Variants in DNAH14 observed in about 807,000 individuals in gnomAD.
DNAH14 encodes dynein axonemal heavy chain 14, also known as axonemal beta dynein heavy chain 14.
In DNAH14, 478 loss-of-function variants were observed where a neutral mutation model predicts 520.9. The ratio of observed to expected loss-of-function variants is 0.92; its 90% confidence interval spans 0.85 to 0.99. The LOEUF (loss-of-function observed/expected upper bound fraction) is 0.99, where lower values mean the gene tolerates loss of function less well. DNAH14 is among the 50% of genes least tolerant of loss of function. DNAH14 has a pLI of 0.00. For missense variants in DNAH14, 4,831 were observed against 5,234.5 expected (o/e 0.92, Z 2.38); for synonymous variants, 1,581 against 1,757.2 (o/e 0.90, Z 2.51).
chr1:225,398,046 C>CAAAAAAAAAAAAA (rs11458055), intron 84 of DNAH14: 1 of 66,806 alleles, frequency 1.5e-5, no homozygotes, highest in African/African-American at 6.7e-5. Flanking sequence ...GACCCCATGT[C>CAAAAAAAAAAAAA]AAAAAAAAAA....
Position 225,002,790 on chromosome 1 carries a change from T to A in DNAH14, c.838T>A (p.Leu280Met), listed in dbSNP as rs1276811528. 16 of 1,548,806 alleles carry A rather than the reference T, an allele frequency of 1.0e-5. No individual in the cohort carries two copies. Among genetic ancestry groups the A allele is most frequent in the Non-Finnish European group, 1.3e-5 (15 of 1,145,612 alleles). Reference sequence around the variant, plus strand: ...AAATTTTTTAACTTTCAGGTCATTTTTGTACCACCATCTTTTTTTGGCTGA... The same window carrying A: ...AAATTTTTTAACTTTCAGGTCATTTATGTACCACCATCTTTTTTTGGCTGA... ...RIKTEKSRSFLYHHLFLADDL... is the reference protein window; with the variant it reads ...RIKTEKSRSFMYHHLFLADDL... The change falls in exon 9 of 86, where the codon TTG (leucine) becomes ATG (methionine). Residue 280 changes from leucine to methionine, a missense_variant. Transcript: ENST00000682510.
intron 11 of DNAH14, among the ~76,000 whole-genome samples, chr1:225,034,293 C>CT (rs1202785480): frequency 5.9e-5 from 9 of 151,994 alleles, no homozygotes; most frequent in African/African-American, 2.2e-4. Flanking sequence ...TATTGAAAGC[C>CT]TTTTTTGCAT....
At chr1:225,273,937 T>A (rs1435726673) in intron 52 of DNAH14, among the ~76,000 whole-genome samples, 1 of 152,184 alleles carries the variant, frequency 6.6e-6, no homozygotes, top group Admixed American at 6.5e-5. Context: ...TTCTGTCTTC[T>A]CTGGTGGTGC....
chr1:225,266,511 A>G (rs1294581444), intron 48 of DNAH14, 130 bp from the exon 49 acceptor site: 1 of 542,578 alleles, frequency 1.8e-6, no homozygotes, highest in Non-Finnish European at 2.9e-6. Context: ...ATGTTATTAC[A>G]TATGATTTTG....
intron 17 of DNAH14, among the ~76,000 whole-genome samples, chr1:225,053,610 G>T (rs1422625783): frequency 6.6e-6 from 1 of 152,094 alleles, no homozygotes; most frequent in Non-Finnish European, 1.5e-5. Context: ...GTAACAATGA[G>T]AACTCTGAGC....
intron 8 of DNAH14, among the ~76,000 whole-genome samples, chr1:224,990,221 G>T (rs532787645): frequency 3.9e-5 from 6 of 152,016 alleles, no homozygotes; most frequent in African/African-American, 1.4e-4. Context: ...ATATTTATGG[G>T]ATACACAATG....
chr1:225,363,586 T>C (rs995042219), intron 75 of DNAH14, among the ~76,000 whole-genome samples: 1 of 152,140 alleles, frequency 6.6e-6, no homozygotes, highest in Non-Finnish European at 1.5e-5. Flanking sequence ...TTCGTAACTT[T>C]GATATTTTTG....
chr1:225,050,478 A>G (rs2068431460), intron 16 of DNAH14, 102 bp downstream of exon 16: 2 of 1,217,270 alleles, frequency 1.6e-6, no homozygotes, highest in Admixed American at 7.1e-5. Context: ...TATCCTATTC[A>G]TAGCAATTGA....
At chr1:225,258,973 CTT>C (rs2092834023) in intron 45 of DNAH14, 146 bp from the exon 46 acceptor site, 1 of 801,250 alleles carries the variant, frequency 1.2e-6, no homozygotes, top group Non-Finnish European at 1.9e-6. Context: ...TTTAACCACT[CTT>C]AACCACATTT....
chr1:225,256,024 G>A (rs2092720461), intron 44 of DNAH14, among the ~76,000 whole-genome samples: 1 of 152,066 alleles, frequency 6.6e-6, no homozygotes, highest in Non-Finnish European at 1.5e-5. Context: ...GCTGTTTTGT[G>A]TATACGAGCC....
intron 41 of DNAH14, among the ~76,000 whole-genome samples, chr1:225,210,641 T>A (rs893299474): frequency 2.6e-5 from 4 of 152,176 alleles, no homozygotes; most frequent in African/African-American, 9.7e-5. Context: ...TCCAGCACAG[T>A]GCTCGAGCTC....
intron 55 of DNAH14, among the ~76,000 whole-genome samples, chr1:225,297,862 TG>T (rs2094045492): frequency 6.6e-6 from 1 of 152,192 alleles, no homozygotes; most frequent in East Asian, 1.9e-4. Context: ...CCTGGTTGTG[TG>T]TCTGCCAGAG....
chr1:225,130,572 A>G (rs1405112634), intron 27 of DNAH14, among the ~76,000 whole-genome samples: 1 of 150,916 alleles, frequency 6.6e-6, no homozygotes, highest in Non-Finnish European at 1.5e-5. Flanking sequence ...TCGCAAGGAT[A>G]AAAAACCAAA....
intron 54 of DNAH14, among the ~76,000 whole-genome samples, chr1:225,278,460 A>G (rs1336187477): frequency 1.3e-5 from 2 of 152,126 alleles, no homozygotes; most frequent in Admixed American, 6.5e-5. Context: ...CATCACCTGG[A>G]CCACTGTGGT....
chr1:225,096,356 T>C (rs770453520), intron 21 of DNAH14, among the ~76,000 whole-genome samples: 2 of 152,138 alleles, frequency 1.3e-5, no homozygotes, highest in African/African-American at 2.4e-5. Context: ...AAATATAAAA[T>C]AAAGTTAAGA....
At chr1:225,290,996 C>A (rs1477225926) in intron 55 of DNAH14, among the ~76,000 whole-genome samples, 1 of 151,714 alleles carries the variant, frequency 6.6e-6, no homozygotes, top group South Asian at 2.1e-4. Flanking sequence ...AATTTTGTAT[C>A]CCTTAAAAAA....
intron 20 of DNAH14, among the ~76,000 whole-genome samples, 156 bp from the exon 21 acceptor site, chr1:225,085,388 G>A (rs1226276258): frequency 6.6e-6 from 1 of 152,214 alleles, no homozygotes; most frequent in East Asian, 1.9e-4. Flanking sequence ...ATGAAGGTTA[G>A]ACCATGAAGT....
At chr1:225,066,025 C>G (rs1015079574) in intron 17 of DNAH14, among the ~76,000 whole-genome samples, 1 of 151,984 alleles carries the variant, frequency 6.6e-6, no homozygotes, top group Non-Finnish European at 1.5e-5. Context: ...GCCACATGTA[C>G]TTTCATCATT....
Position 225,168,647 on chromosome 1 carries a change from G to T in DNAH14, c.5535+619G>T, listed in dbSNP as rs111740440. Among the ~76,000 whole-genome samples the T allele has an allele frequency of 9.8e-3, 1,489 of 152,314 alleles. 19 individuals carry two copies. Among genetic ancestry groups the T allele is most frequent in the African/African-American group, 0.033 (1,390 of 41,570 alleles). ...GAGGCTTGAGCAGGTAAACAAAGCG[G>T]CCTGGAATCTCAAACTGGGTGGAGC... On this transcript the variant is annotated intron_variant, in intron 36 of 85. Transcript: ENST00000682510.
Sources: gnomAD v4.1 joint callset for allele counts (sites outside exome capture counted in the v4.1 genomes callset) on GRCh38, gnomAD v4.1.1 for gene constraint, MANE v1.5 for transcripts, NCBI Gene and HGNC (gene_info 2026-07-23, HGNC 2026-07-21) for gene names.